APOOL: variants seen among roughly 807,000 people sequenced by gnomAD.
The protein encoded by APOOL is MICOS complex subunit MIC27.
A neutral mutation model predicts 23.1 loss-of-function variants in APOOL; 12 were observed. The observed-to-expected ratio is 0.52, with a 90% CI of 0.33 to 0.84. The LOEUF (loss-of-function observed/expected upper bound fraction) is 0.84. Ranked by LOEUF, APOOL falls within the 40% of genes least tolerant of loss-of-function variation. The pLI is 0.02. For missense variants in APOOL, 212 were observed against 199.6 expected, an observed-to-expected ratio of 1.06 and a Z score of -0.37; for synonymous variants, 77 against 69.9, an observed-to-expected ratio of 1.10 and a Z score of -0.51.
At chrX:85,076,744 A>C (rs1184670681) in intron 8 of APOOL, among the ~76,000 whole-genome samples, 1 of 109,358 alleles carries the variant, frequency 9.1e-6, no homozygotes, top group Non-Finnish European at 1.9e-5. Flanking sequence ...CTGTCCAACT[A>C]TATGTTGTGG....
At chrX:85,053,973 T>C (rs1289028511) in intron 3 of APOOL, among the ~76,000 whole-genome samples, 1 of 111,783 alleles carries the variant, frequency 8.9e-6, no homozygotes, top group Admixed American at 9.6e-5. Flanking sequence ...CTATTGCAAC[T>C]TTATTAATCA....
At position 85,003,896 on chromosome X, in the gene APOOL, C is replaced by T; in HGVS notation, c.-17C>T. Reference sequence around the variant, plus strand: ...TCTGCTCTCCGTCTGAAAACCTTGGCCGAAAGGGTTGTAGACATGGCGGCC... The same window carrying T: ...TCTGCTCTCCGTCTGAAAACCTTGGTCGAAAGGGTTGTAGACATGGCGGCC... On this transcript the variant is annotated 5_prime_UTR_variant, in exon 1 of 9. Coordinates refer to ENST00000373173, the MANE Select transcript of APOOL (RefSeq NM_198450.6). 8.3e-7 allele frequency: 1 copy of T among 1,211,102 alleles called. No individual in the cohort carries two copies. The highest frequency in any genetic ancestry group is 1.1e-6 in the Non-Finnish European group (1 of 895,141).
chrX:85,057,908 T>C (rs1024192699), intron 5 of APOOL, among the ~76,000 whole-genome samples: 6 of 110,855 alleles, frequency 5.4e-5, no homozygotes, highest in Non-Finnish European at 1.1e-4. Context: ...AAAAAACTTA[T>C]ACCATTCTTG....
At chrX:85,004,566 G>T (rs1190046813) in intron 1 of APOOL, among the ~76,000 whole-genome samples, 1 of 111,994 alleles carries the variant, frequency 8.9e-6, no homozygotes, top group Non-Finnish European at 1.9e-5. Context: ...AGATATTTAC[G>T]TAGCGGGTTT....
chrX:85,028,799 T>C lies in APOOL; in HGVS notation c.16-17647T>C, dbSNP rs1306437017. Among the ~76,000 whole-genome samples the C allele has an allele frequency of 2.7e-5, 3 of 111,556 alleles. No homozygotes were observed. The Admixed American group carries it at 2.9e-4, about 11-fold the overall frequency. ...AGTGAGAACATACGATCTTTGTCTT[T>C]CTGTGCCTGACTTATTTCACTTAAC... On this transcript the variant is annotated intron_variant, in intron 1 of 8. Transcript: ENST00000373173.
chrX:85,064,540 C>T (rs1214622538), intron 5 of APOOL, among the ~76,000 whole-genome samples: 7 of 110,376 alleles, frequency 6.3e-5, no homozygotes, highest in Admixed American at 9.8e-5. Context: ...TCCCTCTTAA[C>T]GCCACTTTAG....
chrX:85,041,521 G>A (rs924034822), intron 1 of APOOL, among the ~76,000 whole-genome samples: 4 of 111,560 alleles, frequency 3.6e-5, no homozygotes, highest in African/African-American at 1.3e-4. Flanking sequence ...CCTGCAGTCC[G>A]TCCATTCCTC....
At chrX:85,008,515 T>A (rs1317108317) in intron 1 of APOOL, among the ~76,000 whole-genome samples, 1 of 95,549 alleles carries the variant, frequency 1.0e-5, no homozygotes. Flanking sequence ...TTCTTTTTTT[T>A]ATGGTTGAAT....
At chrX:85,082,457 A>G (rs967725780) in intron 8 of APOOL, among the ~76,000 whole-genome samples, 11 of 110,822 alleles carry the variant, frequency 9.9e-5, no homozygotes, top group African/African-American at 3.0e-4. Context: ...AACAGAAAAT[A>G]TTGCTGCCTG....
chrX:85,058,694 G>A (rs1387233413), intron 5 of APOOL, among the ~76,000 whole-genome samples: 1 of 111,166 alleles, frequency 9.0e-6, no homozygotes, highest in Non-Finnish European at 1.9e-5. Flanking sequence ...CCCACCAACA[G>A]TGTAAAAGTG....
intron 1 of APOOL, among the ~76,000 whole-genome samples, chrX:85,040,313 T>G (rs1358380911): frequency 8.9e-6 from 1 of 111,853 alleles, no homozygotes; most frequent in Non-Finnish European, 1.9e-5. Flanking sequence ...TCTTCTTCTC[T>G]CTAGCTGCCT....
At position 85,068,086 on chromosome X, in the gene APOOL, G is replaced by A. The variant is rs1470408726; in HGVS notation, c.486+868G>A. Among the ~76,000 whole-genome samples, 4 of 111,991 alleles carry A rather than the reference G, an allele frequency of 3.6e-5. No homozygotes were observed. The East Asian group carries it at 1.1e-3, about 31-fold the overall frequency. On this transcript the variant is annotated intron_variant, in intron 6 of 8. Transcript: ENST00000373173. ...CAAACTATAAAAGCTCATAACAAAGGAAGAGAGCATTATTCATTAAGTCTA... is the reference window on the plus strand; with the variant it reads ...CAAACTATAAAAGCTCATAACAAAGAAAGAGAGCATTATTCATTAAGTCTA...
In APOOL at chrX:85,082,255, T is replaced by C. The variant is rs895942626; in HGVS notation, c.719-5335T>C. On this transcript the variant is annotated intron_variant, in intron 8 of 8. Coordinates refer to ENST00000373173, the MANE Select transcript of APOOL (RefSeq NM_198450.6). ...ATCTACCTTTGGTCTTTGATGCTGG[T>C]GATCTAGAGATGGGGTTTTGGTGTG... Among the ~76,000 whole-genome samples the C allele has an allele frequency of 6.3e-5, 7 of 111,755 alleles. No homozygotes were observed. In the East Asian group the frequency reaches 2.0e-3, roughly 31 times the overall value.
At chrX:85,011,397 T>C (rs1921273234) in intron 1 of APOOL, among the ~76,000 whole-genome samples, 1 of 112,119 alleles carries the variant, frequency 8.9e-6, no homozygotes, top group Admixed American at 9.5e-5. Flanking sequence ...TTCTTGGTCA[T>C]GAACTACTCT....
intron 2 of APOOL, among the ~76,000 whole-genome samples, chrX:85,049,960 C>T: frequency 9.0e-6 from 1 of 111,497 alleles, no homozygotes; most frequent in Non-Finnish European, 1.9e-5. Flanking sequence ...ACTCTGACAC[C>T]AGTACATCCA....
At chrX:85,032,892 C>A (rs193142184) in intron 1 of APOOL, among the ~76,000 whole-genome samples, 26 of 111,844 alleles carry the variant, frequency 2.3e-4, no homozygotes, top group African/African-American at 8.4e-4. Flanking sequence ...ACGTAACTCC[C>A]ACCTATGTTA....
chrX:85,045,079 T>G lies in APOOL; in HGVS notation c.16-1367T>G, dbSNP rs1171064473. 2.7e-5 allele frequency among the ~76,000 whole-genome samples: 3 copies of G among 111,918 alleles called. No individual in the cohort carries two copies. The East Asian group carries it at 8.4e-4, about 31-fold the overall frequency. On this transcript the variant is annotated intron_variant, in intron 1 of 8. Transcript: ENST00000373173. ...GGACCATACTTGCTGGCATCAGTTT[T>G]AATATACATTTAAATTATACCTAAC... is the stretch of plus-strand genomic sequence containing the variant.
intron 5 of APOOL, among the ~76,000 whole-genome samples, chrX:85,057,259 A>G (rs1923003736): frequency 9.1e-6 from 1 of 109,761 alleles, no homozygotes; most frequent in Non-Finnish European, 1.9e-5. Context: ...CCTTTCATCC[A>G]TCCTTTGTCC....
chrX:85,064,279 G>A (rs1303211623), intron 5 of APOOL, among the ~76,000 whole-genome samples: 1 of 104,625 alleles, frequency 9.6e-6, no homozygotes, highest in Admixed American at 1.0e-4. Flanking sequence ...CTTTATTAGT[G>A]TAGCTAGCAG....
Sources: allele counts gnomAD v4.1 joint callset (sites outside exome capture counted in the v4.1 genomes callset), GRCh38; gene constraint gnomAD v4.1.1; transcripts MANE v1.5; gene names NCBI Gene and HGNC (gene_info 2026-07-23, HGNC 2026-07-21).